The following TPM4 variants were observed in gnomAD, a reference collection of about 807,000 sequenced individuals.
The protein encoded by TPM4 is tropomyosin 4.
TPM4 carries 17 observed loss-of-function variants against 35.8 expected under a neutral mutation model. That is an observed-to-expected ratio of 0.47 (90% confidence interval 0.32 to 0.71). The LOEUF is 0.71. Ranked by LOEUF, TPM4 falls within the 30% of genes least tolerant of loss-of-function variation. TPM4 has a pLI of 0.03. For missense variants in TPM4, 240 were observed against 320.9 expected (o/e 0.75, Z 1.93); for synonymous variants, 120 against 122.9 (o/e 0.98, Z 0.15).
At chr19:16,073,857 G>A (rs1471411685), upstream of TPM4, among the ~76,000 whole-genome samples, 5 of 145,716 alleles carry the variant, frequency 3.4e-5, no homozygotes, top group African/African-American at 5.1e-5. Flanking sequence ...CGGGAGGATC[G>A]CTTGAGCCGA....
intron 2 of TPM4, among the ~76,000 whole-genome samples, chr19:16,069,267 A>G (rs1440745928): frequency 6.7e-6 from 1 of 149,548 alleles, no homozygotes; most frequent in Non-Finnish European, 1.5e-5. Flanking sequence ...GTTTATGTGT[A>G]TGAGTGTGTT....
At chr19:16,080,183 AG>A in intron 1 of TPM4, 1 of 198,698 alleles carries the variant, frequency 5.0e-6, no homozygotes. Context: ...GGCAGGACCT[AG>A]GGGACAGGTT....
At chr19:16,081,025 C>G (rs531078062) in intron 1 of TPM4, 2 of 398,430 alleles carry the variant, frequency 5.0e-6, no homozygotes, top group Non-Finnish European at 8.8e-6. Flanking sequence ...CTCAGCCAGG[C>G]GGATTGAAGG....
rs71178641 is a variant in TPM4 at position 16,096,936 on chromosome 19, C to CT, written c.664+3217dup. ...GGAATATGGAGAAAACAAGGTCACT[C>CT]TTTTTTTTTTTTTTTTTTTTTTTTT... On this transcript the variant is annotated intron_variant, in intron 7 of 7. Coordinates refer to ENST00000643579, the MANE Select transcript of TPM4 (RefSeq NM_003290.3). 6.6e-3 allele frequency among the ~76,000 whole-genome samples: 454 copies of CT among 69,006 alleles called. 91 individuals carry two copies. The highest frequency in any genetic ancestry group is 0.014 in the African/African-American group (257 of 17,990). The allele number at this position is 69,006 out of a possible 152,430, so 45.3% of individuals were successfully genotyped here.
intron 7 of TPM4, among the ~76,000 whole-genome samples, chr19:16,097,948 A>G (rs2144963726): frequency 6.6e-6 from 1 of 152,290 alleles, no homozygotes; most frequent in South Asian, 2.1e-4. Flanking sequence ...GAACTTCTGC[A>G]AAAACCATTC....
At chr19:16,079,553 C>T (rs1483757042) in intron 1 of TPM4, among the ~76,000 whole-genome samples, 1 of 152,144 alleles carries the variant, frequency 6.6e-6, no homozygotes, top group African/African-American at 2.4e-5. Context: ...ATACGAAACA[C>T]CTGTGGGAGT....
In TPM4 at chr19:16,070,597, C is replaced by A. The variant is rs543388064; in HGVS notation, c.114+2859C>A. ...CCCGGACGCCTGCATGAGTGAGATA[C>A]GGAAGTGACAGTAGGGCCTCCCTTG... On this transcript the variant is annotated intron_variant, in intron 2 of 2. Coordinates refer to the TPM4 transcript ENST00000589897. This position sits in a 1 kb window ranked among gnomAD's most constrained non-coding sequence, Gnocchi z 7.4. Among the ~76,000 whole-genome samples, 2 of 152,314 alleles carry A rather than the reference C, an allele frequency of 1.3e-5. No individual in the cohort carries two copies. The highest frequency in any genetic ancestry group is 2.1e-4 in the South Asian group (1 of 4,824).
Position 16,076,707 on chromosome 19 carries a change from C to G in TPM4, c.132+10C>G. 11 of 1,332,674 alleles carry G rather than the reference C, an allele frequency of 8.3e-6. No homozygotes were observed. The highest frequency in any genetic ancestry group is 3.1e-5 in the East Asian group (1 of 31,768). 82.6% of individuals were successfully genotyped at this position (1,332,674 alleles called of 1,614,324 possible). ...CGAGCGGCGCGAGAAAGTGAGCGCC[C>G]CGGCCTCGGGCCCCGCACCCGCAGC... On this transcript the variant is annotated intron_variant, in intron 1 of 7. Transcript: ENST00000643579.
In TPM4 at chr19:16,088,079, G is replaced by A. The variant is rs538902086; in HGVS notation, c.437G>A (p.Arg146His). 51 of 1,611,966 alleles carry A rather than the reference G, an allele frequency of 3.2e-5. No individual in the cohort carries two copies. Among genetic ancestry groups the A allele is most frequent in the South Asian group, 4.4e-5 (4 of 90,432 alleles). Residue 146 changes from arginine (R) to histidine (H), a missense_variant, in exon 4 of 8, where the codon CGT (arginine) becomes CAT (histidine). Transcript: ENST00000643579. ...LEGELERAEERAEVSELKCGD... is the reference protein window; with the variant it reads ...LEGELERAEEHAEVSELKCGD... ...GGTGAGCTGGAGAGGGCAGAGGAGC[G>A]TGCGGAGGTGTCTGAACTGTGAGTG...
chr19:16,071,772 CAGTGTGGGAAAAGGACAA>C (rs1452179312), upstream of TPM4, among the ~76,000 whole-genome samples: 1 of 152,202 alleles, frequency 6.6e-6, no homozygotes, highest in Non-Finnish European at 1.5e-5. Flanking sequence ...CCTGCTTACC[CAGTGTGGGAAAAGGACAA>C]AGAGGCCCAG....
chr19:16,099,076 G>GTGTGTGTGTGTGTT (rs763334799), intron 7 of TPM4, among the ~76,000 whole-genome samples: 6,283 of 137,200 alleles, frequency 0.046, 409 homozygotes, highest in African/African-American at 0.15. Context: ...GACTCTGTGT[G>GTGTGTGTGTGTGTT]TGTGTGTGTG....
rs1373578183 is a variant in TPM4, at chr19:16,101,887, C to T, written c.*541C>T. ...AAGTCATAACCCACAGATAGATCAA[C>T]CTAAGAATCCTGGCCCTTCTCCACT... On this transcript the variant is annotated 3_prime_UTR_variant, in exon 8 of 8. Transcript: ENST00000643579. 2.2e-5 allele frequency: 5 copies of T among 226,434 alleles called. No individual in the cohort carries two copies. The highest frequency in any genetic ancestry group is 1.3e-3 in the Middle Eastern group (1 of 744). The allele number at this position is 226,434 out of a possible 1,614,324, so 14.0% of individuals were successfully genotyped here. A position where few individuals can be genotyped will look rare whatever the true frequency, so the allele number is the denominator to read the frequency against.
In TPM4 at chr19:16,102,097, T is replaced by C; in HGVS notation, c.*751T>C. ...CGGGAGCGTTGGCTTTCGCCTGTAA[T>C]CCCAACACTTTGGGAGGCCAGGACA... On this transcript the variant is annotated 3_prime_UTR_variant, in exon 8 of 8. Transcript: ENST00000643579. The C allele has an allele frequency of 5.0e-6, 1 of 199,100 alleles. No homozygotes were observed. The highest frequency in any genetic ancestry group is 1.0e-5 in the Non-Finnish European group (1 of 96,426). 12.3% of individuals were successfully genotyped at this position (199,100 alleles called of 1,614,324 possible). A position where few individuals can be genotyped will look rare whatever the true frequency, so the allele number is the denominator to read the frequency against.
chr19:16,085,732 G>A (rs1233151051), intron 2 of TPM4, among the ~76,000 whole-genome samples: 1 of 152,136 alleles, frequency 6.6e-6, no homozygotes, highest in Non-Finnish European at 1.5e-5. Flanking sequence ...GCTCCATAGG[G>A]CAGTTGTGAA....
At chr19:16,068,272 C>G (rs11672873) in intron 2 of TPM4, among the ~76,000 whole-genome samples, 18,954 of 151,624 alleles carry the variant, frequency 0.13, 1,615 homozygotes, top group East Asian at 0.44. Context: ...CCGCCTCCTG[C>G]GTTCAGGCGA....
chr19:16,071,934 G>A (rs894894486), upstream of TPM4, among the ~76,000 whole-genome samples: 9 of 152,212 alleles, frequency 5.9e-5, no homozygotes, highest in African/African-American at 1.9e-4. Context: ...GACAGATAGG[G>A]AAACTGAGGC....
rs1225165740 is a variant in TPM4, at chr19:16,076,694, G to C, written c.129G>C (p.Glu43Asp). The change falls in exon 1 of 8, where the codon GAG becomes GAC. Residue 43 changes from glutamate to aspartate, a missense_variant. Transcript: ENST00000643579. ...RELDGERERR[E>D]KAEGDVAALN... is the part of the protein sequence containing the mutation. ...TGGACGGCGAGCGCGAGCGGCGCGA[G>C]AAAGTGAGCGCCCCGGCCTCGGGCC... 2 of 1,351,274 alleles carry C rather than the reference G, an allele frequency of 1.5e-6. No homozygotes were observed. Among genetic ancestry groups the C allele is most frequent in the African/African-American group, 3.1e-5 (2 of 65,300 alleles). 83.7% of individuals were successfully genotyped at this position (1,351,274 alleles called of 1,614,324 possible).
upstream of TPM4, chr19:16,075,964 G>A: frequency 6.6e-7 from 1 of 1,517,708 alleles, no homozygotes; most frequent in Non-Finnish European, 8.8e-7. Flanking sequence ...GGACTCTTGT[G>A]AATATTGGGG....
chr19:16,095,500 GTCC>G, intron 7 of TPM4: 2 of 1,020,886 alleles, frequency 2.0e-6, no homozygotes, highest in Non-Finnish European at 2.4e-6. Flanking sequence ...AAGACGGGCA[GTCC>G]TCCTCTTCAT....
Sources: allele counts gnomAD v4.1 joint callset (sites outside exome capture counted in the v4.1 genomes callset), GRCh38; gene constraint gnomAD v4.1.1; non-coding constraint Gnocchi (gnomAD v3.1); transcripts MANE v1.5; gene names NCBI Gene and HGNC (gene_info 2026-07-23, HGNC 2026-07-21).